The following SZT2 variants were observed in gnomAD, a reference collection of about 807,000 sequenced individuals.
The protein encoded by SZT2 is SZT2 subunit of KICSTOR complex.
SZT2 carries 216 observed loss-of-function variants against 404.2 expected under a neutral mutation model. The ratio of observed to expected loss-of-function variants is 0.53; its 90% confidence interval spans 0.48 to 0.60. SZT2 has a LOEUF of 0.60. Among genes scored for constraint, SZT2 ranks in the 20% least tolerant of loss-of-function variants. The pLI is 0.00. For synonymous variants in SZT2, 1,693 were observed against 1,749.9 expected (o/e 0.97, Z 0.81); for missense variants, 3,857 against 4,459.2 (o/e 0.86, Z 3.85).
In SZT2 at chr1:43,441,133, C is replaced by T. The variant is rs1336000060; in HGVS notation, c.7345-81C>T. Reference sequence around the variant, plus strand: ...AACCCAGACCTCTGAATCCTCCTAGCTCACTGCTGTTCCATAGTGCCCCCA... The same window carrying T: ...AACCCAGACCTCTGAATCCTCCTAGTTCACTGCTGTTCCATAGTGCCCCCA... On this transcript the variant is annotated intron_variant, in intron 52 of 71. Coordinates refer to ENST00000634258, the MANE Select transcript of SZT2 (RefSeq NM_001365999.1). The surrounding 1 kb of genome is among the most constrained non-coding windows in gnomAD (Gnocchi z 4.8). 5 of 1,527,364 alleles carry T rather than the reference C, an allele frequency of 3.3e-6. No individual in the cohort carries two copies. The highest frequency in any genetic ancestry group is 4.5e-6 in the Non-Finnish European group (5 of 1,123,260). The allele number at this position is 1,527,364 out of a possible 1,614,324, so 94.6% of individuals were successfully genotyped here.
chr1:43,433,302 G>A (rs1654121208), intron 40 of SZT2, 112 bp downstream of exon 40: 9 of 1,147,808 alleles, frequency 7.8e-6, no homozygotes, highest in Middle Eastern at 3.0e-4. Flanking sequence ...TGAGAGCTTG[G>A]GTAGAGATCC....
At chr1:43,431,663 G>A in intron 35 of SZT2, 53 bp from the exon 36 acceptor site, 1 of 1,605,946 alleles carries the variant, frequency 6.2e-7, no homozygotes, top group African/African-American at 1.3e-5. Context: ...GGAGTAAGGG[G>A]ATGCCCAAGG....
intron 42 of SZT2, chr1:43,436,963 T>C: frequency 1.6e-6 from 1 of 612,728 alleles, no homozygotes; most frequent in Admixed American, 3.0e-5. Flanking sequence ...GAGATAGTTC[T>C]GGAAGCCTTT....
In SZT2 at chr1:43,437,915, G is replaced by GA. The variant is rs560368281; in HGVS notation, c.6508+14dup. 1.3e-3 allele frequency: 2,079 copies of GA among 1,613,950 alleles called. 33 individuals carry two copies. In the East Asian group the frequency reaches 0.021, roughly 16 times the overall value. ...GTTGGGCAGGCAGGTAAGGTCTGAG[G>GA]AGGGGGTAGGGGAGTCGCCACATGA... On this transcript the variant is annotated intron_variant, in intron 46 of 71. Transcript: ENST00000634258. This position sits in a 1 kb window ranked among gnomAD's most constrained non-coding sequence, Gnocchi z 5.3.
At position 43,441,733 on chromosome 1, in the gene SZT2, C is replaced by T. The variant is rs1028753286; in HGVS notation, c.7657C>T (p.Leu2553Phe). 13 of 1,614,082 alleles carry T rather than the reference C, an allele frequency of 8.1e-6. No homozygotes were observed. The Admixed American group carries it at 1.2e-4, about 14-fold the overall frequency. ...RSSAHMVSRF[L>F]LPSILSEFTA... is the part of the protein sequence containing the mutation. ...CTCTGCCCACATGGTGTCCCGGTTC[C>T]TCCTTCCATCCATCCTGTCTGAGTT... The change falls in exon 55 of 72, where the codon CTC becomes TTC. Residue 2553 changes from leucine to phenylalanine, a missense_variant. Coordinates refer to ENST00000634258, the MANE Select transcript of SZT2 (RefSeq NM_001365999.1). This position sits in a 1 kb window ranked among gnomAD's most constrained non-coding sequence, Gnocchi z 4.8.
Position 43,450,355 on chromosome 1 carries a change from C to T in SZT2, c.10174C>T (p.Arg3392Ter), listed in dbSNP as rs1392456301. 12 of 1,613,968 alleles carry T rather than the reference C, an allele frequency of 7.4e-6. No individual in the cohort carries two copies. Among genetic ancestry groups the T allele is most frequent in the South Asian group, 3.3e-5 (3 of 91,068 alleles). The part of the protein sequence containing the change: ...LGKTSLTVVF[R>*]EPFPVQPQDS... ...CCCACAGTCTCTGACAGTGGTTTTCCGAGAGCCCTTCCCAGTACAGCCCCA... is the reference window on the plus strand; with the variant it reads ...CCCACAGTCTCTGACAGTGGTTTTCTGAGAGCCCTTCCCAGTACAGCCCCA... Residue 3392 changes from arginine to a stop codon, truncating the protein, a stop_gained, in exon 72 of 72, where the codon CGA (arginine) becomes TGA (stop). Transcript: ENST00000634258. LOFTEE classifies it high-confidence loss of function. This position sits in a 1 kb window ranked among gnomAD's most constrained non-coding sequence, Gnocchi z 4.3.
At position 43,453,548 on chromosome 1, in the gene SZT2, G is replaced by A; in HGVS notation, c.*3068G>A. On this transcript the variant is annotated 3_prime_UTR_variant, in exon 72 of 72. Transcript: ENST00000634258. The stretch of plus-strand genomic sequence containing the variant: ...CCGGCTCGGACACTCCCCTGCCCGC[G>A]CCCCGGCACCCCCCAGCCCTCCCAG... 1 of 1,520,284 alleles carries A rather than the reference G, an allele frequency of 6.6e-7. No individual in the cohort carries two copies. Among genetic ancestry groups the A allele is most frequent in the Non-Finnish European group, 8.9e-7 (1 of 1,129,776 alleles). 94.2% of individuals were successfully genotyped at this position (1,520,284 alleles called of 1,614,324 possible).
chr1:43,422,617 T>TTAA lies in SZT2; in HGVS notation c.1908_1910dup (p.Val636_Lys637insAsn). On this transcript the variant is annotated inframe_insertion, in exon 13 of 72. Coordinates refer to ENST00000634258, the MANE Select transcript of SZT2 (RefSeq NM_001365999.1). Reference sequence around the variant, plus strand: ...GTACTAGTCGAGGGCTATTCTTATGTTAAGCTGCTCTCCAGGTGGGCAAAG... The same window carrying TTAA: ...GTACTAGTCGAGGGCTATTCTTATGTTAATAAGCTGCTCTCCAGGTGGGCAAAG... The TTAA allele has an allele frequency of 6.3e-7, 1 of 1,595,108 alleles. No individual in the cohort carries two copies. The highest frequency in any genetic ancestry group is 8.5e-7 in the Non-Finnish European group (1 of 1,178,240).
intron 4 of SZT2, among the ~76,000 whole-genome samples, chr1:43,407,582 A>T (rs1475835408): frequency 1.3e-5 from 2 of 151,950 alleles, no homozygotes; most frequent in Non-Finnish European, 2.9e-5. Context: ...AATCCCAGCT[A>T]CTTGGGAGGC....
chr1:43,401,144 T>C (rs1432343932), intron 1 of SZT2, among the ~76,000 whole-genome samples: 3 of 152,064 alleles, frequency 2.0e-5, no homozygotes, highest in Non-Finnish European at 4.4e-5. Context: ...AGGCTGGTCT[T>C]GAACTCCTAG....
rs535832834 is a variant in SZT2, at chr1:43,437,988, A to T, written c.6508+86A>T. On this transcript the variant is annotated intron_variant, in intron 46 of 71. Transcript: ENST00000634258. The surrounding 1 kb of genome is among the most constrained non-coding windows in gnomAD (Gnocchi z 5.3). ...TCTCTTAGAACCTTGCAAGCATTAC[A>T]CTAGAAGTTATGTAACAGTCTCAGC... 88 of 1,343,188 alleles carry T rather than the reference A, an allele frequency of 6.6e-5. 1 individual carries two copies. In the South Asian group the frequency reaches 8.0e-4, roughly 12 times the overall value. 83.2% of individuals were successfully genotyped at this position (1,343,188 alleles called of 1,614,324 possible). A position where few individuals can be genotyped will look rare whatever the true frequency, so the allele number is the denominator to read the frequency against.
In SZT2 at chr1:43,453,525, G is replaced by A; in HGVS notation, c.*3045G>A. Reference sequence around the variant, plus strand: ...GCAGAGAGAACGGGCCTCAGCCCCCGGCTCGGACACTCCCCTGCCCGCGCC... The same window carrying A: ...GCAGAGAGAACGGGCCTCAGCCCCCAGCTCGGACACTCCCCTGCCCGCGCC... On this transcript the variant is annotated 3_prime_UTR_variant, in exon 72 of 72. Coordinates refer to ENST00000634258, the MANE Select transcript of SZT2 (RefSeq NM_001365999.1). 1 of 1,533,232 alleles carries A rather than the reference G, an allele frequency of 6.5e-7. No individual in the cohort carries two copies. Among genetic ancestry groups the A allele is most frequent in the South Asian group, 1.2e-5 (1 of 81,472 alleles). The allele number at this position is 1,533,232 out of a possible 1,614,324, so 95.0% of individuals were successfully genotyped here.
chr1:43,428,366 A>T lies in SZT2; in HGVS notation c.4046A>T (p.His1349Leu). The T allele has an allele frequency of 6.2e-7, 1 of 1,614,186 alleles. No homozygotes were observed. Among genetic ancestry groups the T allele is most frequent in the Non-Finnish European group, 8.5e-7 (1 of 1,180,034 alleles). Residue 1349 changes from histidine to leucine, a missense_variant, in exon 28 of 72, where the codon CAC becomes CTC. Coordinates refer to ENST00000634258, the MANE Select transcript of SZT2 (RefSeq NM_001365999.1). ...CCATTTCTCCTTGCATTGTGTGGCC[A>T]CACTTGGGGTTTGCCTCATGCACCC... is the stretch of plus-strand genomic sequence containing the variant. The part of the protein sequence containing the change: ...ITPFLLALCG[H>L]TWGLPHAPPS...
intron 14 of SZT2, 33 bp from the exon 15 acceptor site, chr1:43,423,066 G>T (rs982060183): frequency 5.8e-6 from 9 of 1,553,834 alleles, no homozygotes; most frequent in African/African-American, 1.4e-5. Flanking sequence ...TAGGAGATGG[G>T]AGTAAGAGGA....
At chr1:43,404,164 G>C in intron 3 of SZT2, 1 of 557,326 alleles carries the variant, frequency 1.8e-6, no homozygotes, top group Non-Finnish European at 3.2e-6. Flanking sequence ...CCGGGATCAG[G>C]CCACTGCGCT....
chr1:43,391,934 A>ACATTTTT (rs1648404324), intron 1 of SZT2, among the ~76,000 whole-genome samples: 1 of 69,168 alleles, frequency 1.4e-5, no homozygotes, highest in Non-Finnish European at 3.0e-5. Context: ...AATACAAAAA[A>ACATTTTT]TTAGCTGGGC....
At chr1:43,403,340 C>G in intron 2 of SZT2, 38 bp downstream of exon 2, 1 of 1,592,890 alleles carries the variant, frequency 6.3e-7, no homozygotes, top group Non-Finnish European at 8.5e-7. Flanking sequence ...AGGGGCCAGC[C>G]CAGAAGGATC....
At chr1:43,417,805 A>G (rs562775993) in intron 7 of SZT2, among the ~76,000 whole-genome samples, 1 of 152,186 alleles carries the variant, frequency 6.6e-6, no homozygotes, top group Non-Finnish European at 1.5e-5. Flanking sequence ...CAGGGTACAG[A>G]TGGTAATTGA....
At chr1:43,399,576 G>T (rs909490817) in intron 1 of SZT2, among the ~76,000 whole-genome samples, 3 of 150,002 alleles carry the variant, frequency 2.0e-5, no homozygotes, top group Admixed American at 6.7e-5. Flanking sequence ...ATTCTCCTGC[G>T]TCAGCCTCCT....
Sources: gnomAD v4.1 joint callset for allele counts (sites outside exome capture counted in the v4.1 genomes callset) on GRCh38, gnomAD v4.1.1 for gene constraint, Gnocchi (gnomAD v3.1) non-coding constraint, MANE v1.5 for transcripts, NCBI Gene and HGNC (gene_info 2026-07-23, HGNC 2026-07-21) for gene names.